MRPS25: variants seen among roughly 807,000 people sequenced by gnomAD.
MRPS25 encodes the protein mitochondrial ribosomal protein S25.
In MRPS25, 15 loss-of-function variants were observed where a neutral mutation model predicts 17.3. That is an observed-to-expected ratio of 0.87 (90% CI 0.58 to 1.34). MRPS25 has a LOEUF of 1.34. Ranked by LOEUF, MRPS25 falls within the 40% of genes most tolerant of loss-of-function variation. MRPS25 has a pLI of 0.00. For missense variants in MRPS25, 225 were observed against 218.6 expected (o/e 1.03, Z -0.19); for synonymous variants, 94 against 83.3 (o/e 1.13, Z -0.70).
At position 15,061,160 on chromosome 3, in the gene MRPS25, A is replaced by C. The variant is rs372148682; in HGVS notation, c.135-1685T>G. 5.8e-4 allele frequency among the ~76,000 whole-genome samples: 88 copies of C among 152,288 alleles called. 2 individuals are homozygous for C. In the South Asian group the frequency reaches 0.018, roughly 32 times the overall value. ...AGAGATCTTAAAATGGTTCTTGCTG[A>C]AACACAAGATGAAAGTTAAGTCCCT... On this transcript the variant is annotated intron_variant, in intron 1 of 3. Coordinates refer to ENST00000253686, the MANE Select transcript of MRPS25 (RefSeq NM_022497.5).
At position 15,054,600 on chromosome 3, in the gene MRPS25, A is replaced by G. The variant is rs373668133; in HGVS notation, c.242-1133T>C. 1.3e-4 allele frequency among the ~76,000 whole-genome samples: 20 copies of G among 152,304 alleles called. No individual in the cohort carries two copies. The East Asian group carries it at 1.7e-3, about 13-fold the overall frequency. Reference sequence around the variant, plus strand: ...ACCTAAATGTAAGCACTCAAACTTAAAACTTCTAGAGGAGAACACAGGAGA... The same window carrying G: ...ACCTAAATGTAAGCACTCAAACTTAGAACTTCTAGAGGAGAACACAGGAGA... On this transcript the variant is annotated intron_variant, in intron 2 of 3. Transcript: ENST00000253686.
chr3:15,048,146 G>A (rs1038827819), downstream of MRPS25: 5 of 152,642 alleles, frequency 3.3e-5, no homozygotes, highest in African/African-American at 1.2e-4. Flanking sequence ...AACACTTTAT[G>A]AGACCATAGT....
chr3:15,045,669 G>C (rs2042424318), downstream of MRPS25: 1 of 152,654 alleles, frequency 6.6e-6, no homozygotes, highest in South Asian at 2.1e-4. Context: ...GTTAAGTAAA[G>C]TCAGCCCAAA....
chr3:15,061,216 C>T (rs1186369242), intron 1 of MRPS25, among the ~76,000 whole-genome samples: 2 of 152,162 alleles, frequency 1.3e-5, no homozygotes, highest in African/African-American at 4.8e-5. Flanking sequence ...CCGTCTCCCT[C>T]TCCCCACGGT....
At chr3:15,046,870 TAACTTTGATGTAAATTTTTAAAGCC>T (rs1056914716), downstream of MRPS25, 1 of 152,648 alleles carries the variant, frequency 6.6e-6, no homozygotes, top group Non-Finnish European at 1.5e-5. Context: ...GAAAATGTCT[TAACTTTGATGTAAATTTTTAAAGCC>T]AACCCCTCAT....
At chr3:15,047,662 G>A (rs934386079), downstream of MRPS25, 6 of 152,208 alleles carry the variant, frequency 3.9e-5, no homozygotes, top group African/African-American at 1.2e-4. Context: ...ACTGTCCTAT[G>A]ACTGAATAAA....
downstream of MRPS25, chr3:15,046,971 C>G (rs2042475996): frequency 6.5e-6 from 1 of 152,678 alleles, no homozygotes; most frequent in Non-Finnish European, 1.5e-5. Context: ...TGCCTCCCAC[C>G]AGCGTGCACT....
At chr3:15,061,753 A>C in intron 1 of MRPS25, among the ~76,000 whole-genome samples, 2 of 135,612 alleles carry the variant, frequency 1.5e-5, no homozygotes, top group South Asian at 2.5e-4. Context: ...CCGGCCGCCC[A>C]TCGTCTGAGA....
chr3:15,049,401 ACCTTAG>A lies in MRPS25; in HGVS notation c.*3034_*3039del, dbSNP rs148431054. 3,068 of 161,420 alleles carry A rather than the reference ACCTTAG, an allele frequency of 0.019. 54 individuals carry two copies. The highest frequency in any genetic ancestry group is 0.028 in the Non-Finnish European group (2,061 of 74,804). The allele number at this position is 161,420 out of a possible 1,614,324, so 10.0% of individuals were successfully genotyped here. ...CTGTCTCTACAGCTCTCTGGCTCCT[ACCTTAG>A]CCTTAGCGGCCAAGAGGGATTGGGC... On this transcript the variant is annotated 3_prime_UTR_variant, in exon 4 of 4. Coordinates refer to ENST00000253686, the MANE Select transcript of MRPS25 (RefSeq NM_022497.5).
At chr3:15,045,521 G>A (rs931588006), downstream of MRPS25, 1 of 152,568 alleles carries the variant, frequency 6.6e-6, no homozygotes, top group African/African-American at 2.4e-5. Context: ...ACACCTCTTG[G>A]TTGGTTTCTG....
At chr3:15,052,673 T>C (rs530425201) in intron 3 of MRPS25, 40 bp from the exon 4 acceptor site, 9 of 1,598,478 alleles carry the variant, frequency 5.6e-6, no homozygotes, top group East Asian at 4.5e-5. Context: ...ATTGGCAACT[T>C]TGAGTGGCAG....
rs1459892088 is a variant in MRPS25, at chr3:15,050,222, C to T, written c.*2219G>A. On this transcript the variant is annotated 3_prime_UTR_variant, in exon 4 of 4. Transcript: ENST00000253686. ...CTGCCTGTGAAGCTGGCCACACAGG[C>T]AGTAACTGCACCACAGGACTGCTGC... 8.6e-7 allele frequency: 1 copy of T among 1,165,094 alleles called. No individual in the cohort carries two copies. The highest frequency in any genetic ancestry group is 1.7e-5 in the African/African-American group (1 of 59,870). 72.2% of individuals were successfully genotyped at this position (1,165,094 alleles called of 1,614,324 possible).
intron 2 of MRPS25, among the ~76,000 whole-genome samples, chr3:15,057,194 G>A (rs2042684046): frequency 6.6e-6 from 1 of 152,212 alleles, no homozygotes; most frequent in Non-Finnish European, 1.5e-5. Flanking sequence ...CCGGGGCCTA[G>A]GGTCTGGCCT....
At chr3:15,059,557 G>A in intron 1 of MRPS25, 82 bp from the exon 2 acceptor site, 1 of 930,108 alleles carries the variant, frequency 1.1e-6, no homozygotes, top group Admixed American at 2.1e-5. Flanking sequence ...TAGGGAGAAA[G>A]CCCAGCATTT....
chr3:15,051,555 A>T lies in MRPS25; in HGVS notation c.*886T>A. The T allele has an allele frequency of 3.0e-6, 3 of 985,306 alleles. No homozygotes were observed. Among genetic ancestry groups the T allele is most frequent in the Non-Finnish European group, 3.6e-6 (3 of 829,806 alleles). The allele number at this position is 985,306 out of a possible 1,614,324, so 61.0% of individuals were successfully genotyped here. ...TGGAGGCTGAAACCTCCACTTTAGC[A>T]TAACTAAAGTGACAGTAACATCAGT... is the stretch of plus-strand genomic sequence containing the variant. On this transcript the variant is annotated 3_prime_UTR_variant, in exon 4 of 4. Transcript: ENST00000253686.
At position 15,050,295 on chromosome 3, in the gene MRPS25, A is replaced by G. The variant is rs1009079498; in HGVS notation, c.*2146T>C. The G allele has an allele frequency of 1.0e-5, 11 of 1,093,766 alleles. No individual in the cohort carries two copies. The highest frequency in any genetic ancestry group is 1.2e-5 in the Non-Finnish European group (11 of 899,490). The allele number at this position is 1,093,766 out of a possible 1,614,324, so 67.8% of individuals were successfully genotyped here. A position where few individuals can be genotyped will look rare whatever the true frequency, so the allele number is the denominator to read the frequency against. ...GTCTGGGCTGTCCACCTCACTGCCCATTGCTCCTGTGTCAAGCCTGAACTC... is the reference window on the plus strand; with the variant it reads ...GTCTGGGCTGTCCACCTCACTGCCCGTTGCTCCTGTGTCAAGCCTGAACTC... On this transcript the variant is annotated 3_prime_UTR_variant, in exon 4 of 4. Coordinates refer to ENST00000253686, the MANE Select transcript of MRPS25 (RefSeq NM_022497.5).
Position 15,048,555 on chromosome 3 carries a change from A to G in MRPS25, c.*3886T>C, listed in dbSNP as rs1008814470. The G allele has an allele frequency of 6.6e-6, 1 of 152,668 alleles. No individual in the cohort carries two copies. The highest frequency in any genetic ancestry group is 2.4e-5 in the African/African-American group (1 of 41,468). The allele number at this position is 152,668 out of a possible 1,614,324, so 9.5% of individuals were successfully genotyped here. On this transcript the variant is annotated 3_prime_UTR_variant, in exon 4 of 4. Transcript: ENST00000253686. ...CATTTATTGATTGATAGACTGTTAA[A>G]ATTTAATGTTTGGAATAACATTTGG...
At chr3:15,053,013 G>A (rs1453546322) in intron 3 of MRPS25, among the ~76,000 whole-genome samples, 1 of 150,418 alleles carries the variant, frequency 6.6e-6, no homozygotes, top group Admixed American at 6.6e-5. Flanking sequence ...TTCATGGAAA[G>A]AAAGACCTGT....
chr3:15,043,286 CA>C (rs755314681), downstream of MRPS25: 199 of 234,190 alleles, frequency 8.5e-4, no homozygotes, highest in Non-Finnish European at 9.7e-4. Flanking sequence ...GGGCAAAAAA[CA>C]AAAAAAAAGG....
Sources: allele counts gnomAD v4.1 joint callset (sites outside exome capture counted in the v4.1 genomes callset), GRCh38; gene constraint gnomAD v4.1.1; transcripts MANE v1.5; gene names NCBI Gene and HGNC (gene_info 2026-07-23, HGNC 2026-07-21).